Variants in CACNA2D3 observed in about 807,000 individuals in gnomAD.
The protein encoded by CACNA2D3 is voltage-dependent calcium channel subunit alpha-2/delta-3.
In CACNA2D3, 60 loss-of-function variants were observed where a neutral mutation model predicts 160.6. That is an observed-to-expected ratio of 0.37 (90% CI 0.30 to 0.46). CACNA2D3 has a LOEUF of 0.46. Among genes scored for constraint, CACNA2D3 ranks in the 20% least tolerant of loss-of-function variants. CACNA2D3 has a pLI of 1.00. For synonymous variants in CACNA2D3, 558 were observed against 492.9 expected (o/e 1.13, Z -1.75); for missense variants, 1,205 against 1,365.0 (o/e 0.88, Z 1.85).
chr3:54,207,073 T>G (rs1477983255), intron 2 of CACNA2D3, among the ~76,000 whole-genome samples: 1 of 152,194 alleles, frequency 6.6e-6, no homozygotes, highest in Non-Finnish European at 1.5e-5. Flanking sequence ...CTGCTTCTGC[T>G]GCCACTCACT....
intron 4 of CACNA2D3, among the ~76,000 whole-genome samples, chr3:54,476,046 A>ATTT (rs35383482): frequency 1.6e-4 from 21 of 135,218 alleles, no homozygotes; most frequent in Admixed American, 9.1e-4. Context: ...TGTAAGTTTG[A>ATTT]TTTTTTTTTT....
In CACNA2D3 at chr3:54,879,414, A is replaced by G; in HGVS notation, c.1844+3A>G. On this transcript the variant is annotated splice_donor_region_variant and intron_variant, in intron 20 of 37. Transcript: ENST00000474759. ...GACATCAAGGGTACTCCTTTCAGGT[A>G]GAGCTGACCATAATACATGGACATT... 1 of 1,599,462 alleles carries G rather than the reference A, an allele frequency of 6.3e-7. No homozygotes were observed. Among genetic ancestry groups the G allele is most frequent in the South Asian group, 1.1e-5 (1 of 89,762 alleles).
intron 2 of CACNA2D3, among the ~76,000 whole-genome samples, chr3:54,133,811 G>T (rs1168521173): frequency 6.6e-6 from 1 of 152,126 alleles, no homozygotes; most frequent in Non-Finnish European, 1.5e-5. Context: ...CCCCATTAAG[G>T]TAATGGATGA....
chr3:55,060,707 A>G (rs1704486102), intron 35 of CACNA2D3, among the ~76,000 whole-genome samples: 1 of 152,186 alleles, frequency 6.6e-6, no homozygotes, highest in African/African-American at 2.4e-5. Context: ...ACTCTTCTTA[A>G]GGGGATTAGA....
intron 13 of CACNA2D3, among the ~76,000 whole-genome samples, chr3:54,816,445 C>G (rs929685867): frequency 6.6e-5 from 10 of 152,114 alleles, no homozygotes; most frequent in Non-Finnish European, 1.2e-4. Flanking sequence ...CTTTCACCCC[C>G]TAGTTTTGAC....
At chr3:54,793,498 C>T (rs979553373) in intron 13 of CACNA2D3, among the ~76,000 whole-genome samples, 1 of 152,178 alleles carries the variant, frequency 6.6e-6, no homozygotes, top group East Asian at 1.9e-4. Flanking sequence ...GCCTGTGTGG[C>T]CTCAGCATAC....
At chr3:54,966,307 T>C (rs559815147) in intron 27 of CACNA2D3, among the ~76,000 whole-genome samples, 36 of 152,236 alleles carry the variant, frequency 2.4e-4, no homozygotes, top group South Asian at 1.0e-3. Flanking sequence ...CTGTCAGGCA[T>C]TTGGAAGATG....
intron 27 of CACNA2D3, among the ~76,000 whole-genome samples, chr3:54,937,062 G>C (rs1359218220): frequency 6.6e-6 from 1 of 152,126 alleles, no homozygotes; most frequent in African/African-American, 2.4e-5. Flanking sequence ...AGCAGTGCCC[G>C]TGTTCACCCC....
rs200994023 is a variant in CACNA2D3, at chr3:54,918,638, C to A, written c.2449+18770C>A. The stretch of plus-strand genomic sequence containing the variant: ...ACAACGCCAGTGATGATGACAGTGG[C>A]AATGGCATGACGCAGGTTGGCCGGC... On this transcript the variant is annotated intron_variant, in intron 27 of 37. Coordinates refer to ENST00000474759, the MANE Select transcript of CACNA2D3 (RefSeq NM_018398.3). 9.1e-5 allele frequency: 147 copies of A among 1,614,068 alleles called. 1 individual carries two copies. Among genetic ancestry groups the A allele is most frequent in the Non-Finnish European group, 6.4e-5 (76 of 1,180,036 alleles).
At chr3:54,296,507 T>A (rs1295405258) in intron 2 of CACNA2D3, among the ~76,000 whole-genome samples, 5 of 152,318 alleles carry the variant, frequency 3.3e-5, no homozygotes, top group Middle Eastern at 3.4e-3. Context: ...GTCTTTATTT[T>A]AAATCATCAA....
chr3:54,727,399 A>G (rs1040151844), intron 11 of CACNA2D3, among the ~76,000 whole-genome samples: 1 of 152,234 alleles, frequency 6.6e-6, no homozygotes, highest in African/African-American at 2.4e-5. Context: ...CAGCAATCCC[A>G]TTACTGGGTA....
intron 2 of CACNA2D3, among the ~76,000 whole-genome samples, chr3:54,269,031 G>T (rs936448258): frequency 2.0e-5 from 3 of 152,180 alleles, no homozygotes; most frequent in Non-Finnish European, 4.4e-5. Flanking sequence ...CTGATGTGGA[G>T]AGAAGAGTTC....
At chr3:54,787,470 A>G (rs1295458768) in intron 13 of CACNA2D3, among the ~76,000 whole-genome samples, 2 of 152,210 alleles carry the variant, frequency 1.3e-5, no homozygotes, top group Non-Finnish European at 2.9e-5. Context: ...CTTTTCATCT[A>G]CCCTCTTAGA....
intron 3 of CACNA2D3, among the ~76,000 whole-genome samples, chr3:54,365,522 A>C (rs1230853223): frequency 6.6e-6 from 1 of 151,848 alleles, no homozygotes; most frequent in Non-Finnish European, 1.5e-5. Context: ...TCCTATTTTC[A>C]CTGAGTAATG....
chr3:54,267,005 G>A (rs1265499705), intron 2 of CACNA2D3, among the ~76,000 whole-genome samples: 1 of 152,148 alleles, frequency 6.6e-6, no homozygotes, highest in Non-Finnish European at 1.5e-5. Flanking sequence ...ACATTTTAAT[G>A]TGAAATGGGG....
At chr3:54,948,987 C>G (rs1049726954) in intron 27 of CACNA2D3, among the ~76,000 whole-genome samples, 1 of 152,324 alleles carries the variant, frequency 6.6e-6, no homozygotes, top group Middle Eastern at 3.4e-3. Flanking sequence ...ACAGTTGGAT[C>G]TGGGGCTCAG....
At chr3:54,415,828 G>T (rs975049286) in intron 4 of CACNA2D3, among the ~76,000 whole-genome samples, 5 of 152,154 alleles carry the variant, frequency 3.3e-5, no homozygotes, top group Non-Finnish European at 5.9e-5. Flanking sequence ...TGGCTTCAAA[G>T]ACCAGTAAGC....
intron 23 of CACNA2D3, among the ~76,000 whole-genome samples, chr3:54,887,192 G>T (rs546138285): frequency 1.3e-5 from 2 of 152,080 alleles, no homozygotes; most frequent in East Asian, 3.9e-4. Context: ...TTGGGAGGCT[G>T]ATTCAGGCAG....
At chr3:54,586,069 C>T (rs1184126329) in intron 9 of CACNA2D3, among the ~76,000 whole-genome samples, 8 of 151,974 alleles carry the variant, frequency 5.3e-5, no homozygotes, top group Admixed American at 5.2e-4. Context: ...TCGAGACCAT[C>T]CTGGCTAACA....
Sources: gnomAD v4.1 joint callset for allele counts (sites outside exome capture counted in the v4.1 genomes callset) on GRCh38, gnomAD v4.1.1 for gene constraint, MANE v1.5 for transcripts, NCBI Gene and HGNC (gene_info 2026-07-23, HGNC 2026-07-21) for gene names.